TASP1: variants seen among roughly 807,000 people sequenced by gnomAD.
TASP1 encodes the protein threonine aspartase 1.
TASP1 carries 16 observed loss-of-function variants against 56.6 expected under a neutral mutation model. The ratio of observed to expected loss-of-function variants is 0.28; its 90% CI spans 0.19 to 0.43. TASP1 has a LOEUF of 0.43. TASP1 is among the 20% of genes least tolerant of loss of function. TASP1 has a pLI of 1.00. For synonymous variants in TASP1, 179 were observed against 184.2 expected, an observed-to-expected ratio of 0.97 and a Z score of 0.23; for missense variants, 393 against 511.6, an observed-to-expected ratio of 0.77 and a Z score of 2.24.
intron 10 of TASP1, among the ~76,000 whole-genome samples, chr20:13,515,760 T>C (rs1337953784): frequency 6.6e-6 from 1 of 152,020 alleles, no homozygotes; most frequent in Admixed American, 6.6e-5. Context: ...ATCAATTTTT[T>C]CATGACAGCT....
chr20:13,536,342 A>G (rs2045415871), intron 8 of TASP1, among the ~76,000 whole-genome samples: 1 of 152,228 alleles, frequency 6.6e-6, no homozygotes, highest in Admixed American at 6.5e-5. Flanking sequence ...TGAAGGAGAA[A>G]CTTAAACTAC....
chr20:13,395,571 C>G (rs2041498134), intron 13 of TASP1, among the ~76,000 whole-genome samples: 1 of 152,150 alleles, frequency 6.6e-6, no homozygotes, highest in Non-Finnish European at 1.5e-5. Context: ...CTGTATTTAT[C>G]ACTACTTGGG....
intron 6 of TASP1, 115 bp downstream of exon 6, chr20:13,580,782 C>T (rs2047092720): frequency 1.0e-6 from 1 of 965,274 alleles, no homozygotes; most frequent in South Asian, 1.5e-5. Context: ...GATCACGGAA[C>T]AAAGTTTGTC....
chr20:13,226,168 C>T, the TASP1 span, among the ~76,000 whole-genome samples: 2 of 143,692 alleles, frequency 1.4e-5, no homozygotes, highest in African/African-American at 5.2e-5. Context: ...TGTCTTTGTT[C>T]TCTGTTTCCT....
intron 4 of TASP1, among the ~76,000 whole-genome samples, chr20:13,607,702 A>C (rs1470070763): frequency 6.6e-6 from 1 of 152,220 alleles, no homozygotes; most frequent in African/African-American, 2.4e-5. Flanking sequence ...ACATGAAATA[A>C]AGTAGAATAT....
chr20:13,301,787 G>C, the TASP1 span, among the ~76,000 whole-genome samples: 1 of 152,060 alleles, frequency 6.6e-6, no homozygotes, highest in Admixed American at 6.5e-5. Context: ...AGCAGAGGCT[G>C]GAGATTAGTC....
the TASP1 span, among the ~76,000 whole-genome samples, chr20:13,350,311 A>G: frequency 6.6e-6 from 1 of 152,256 alleles, no homozygotes; most frequent in Non-Finnish European, 1.5e-5. Context: ...TAATTTTCCC[A>G]CAAGATGATT....
Position 13,437,895 on chromosome 20 carries a change from G to C in TASP1, c.986-2741C>G, listed in dbSNP as rs1288590358. 3.3e-5 allele frequency among the ~76,000 whole-genome samples: 5 copies of C among 152,288 alleles called. No homozygotes were observed. The East Asian group carries it at 7.7e-4, about 23-fold the overall frequency. On this transcript the variant is annotated intron_variant, in intron 11 of 13. Coordinates refer to ENST00000337743, the MANE Select transcript of TASP1 (RefSeq NM_017714.3). ...AAATGGAAGAACACTCCACGCTCAT[G>C]GGTAGGAAGAATCAATATCATGAAA...
the TASP1 span, among the ~76,000 whole-genome samples, chr20:13,278,508 C>T: frequency 6.6e-6 from 1 of 152,190 alleles, no homozygotes; most frequent in African/African-American, 2.4e-5. Flanking sequence ...GTAGCTCTGT[C>T]ACTTACTTTT....
chr20:13,608,094 A>G (rs1277890361), intron 4 of TASP1, among the ~76,000 whole-genome samples: 1 of 152,256 alleles, frequency 6.6e-6, no homozygotes, highest in Non-Finnish European at 1.5e-5. Context: ...CATCTTTTTA[A>G]AAGAGTTACA....
At chr20:13,153,574 C>G in the TASP1 span, among the ~76,000 whole-genome samples, 10 of 152,002 alleles carry the variant, frequency 6.6e-5, no homozygotes, top group Non-Finnish European at 2.9e-5. Flanking sequence ...ATTTAATGAG[C>G]CAATTCAGCT....
At chr20:13,334,565 T>G in the TASP1 span, among the ~76,000 whole-genome samples, 2 of 152,174 alleles carry the variant, frequency 1.3e-5, no homozygotes, top group African/African-American at 4.8e-5. Flanking sequence ...GCTTGGATAC[T>G]AAATAACCAA....
At chr20:13,238,750 C>G in the TASP1 span, among the ~76,000 whole-genome samples, 2 of 152,146 alleles carry the variant, frequency 1.3e-5, no homozygotes, top group Admixed American at 6.5e-5. Context: ...TCAAAATGAC[C>G]AGCCTCCTGA....
chr20:13,392,845 G>C (rs1443616570), intron 13 of TASP1: 1 of 667,948 alleles, frequency 1.5e-6, no homozygotes, highest in Non-Finnish European at 2.7e-6. Context: ...CAAATCCCAT[G>C]GCACCATCAA....
At chr20:13,293,871 G>A in the TASP1 span, among the ~76,000 whole-genome samples, 2 of 152,106 alleles carry the variant, frequency 1.3e-5, no homozygotes, top group African/African-American at 4.8e-5. Flanking sequence ...CTACTCTGGA[G>A]GCTGAGGCAG....
chr20:13,160,932 C>T, the TASP1 span, among the ~76,000 whole-genome samples: 22 of 152,188 alleles, frequency 1.4e-4, no homozygotes, highest in African/African-American at 3.4e-4. Context: ...TAAAGCTTAT[C>T]GAGCATCATT....
At chr20:13,579,594 G>A (rs1280247222) in intron 6 of TASP1, among the ~76,000 whole-genome samples, 2 of 151,952 alleles carry the variant, frequency 1.3e-5, no homozygotes, top group South Asian at 4.2e-4. Context: ...CTCGTGATCT[G>A]CCCGCCTCAG....
chr20:13,415,219 CT>C (rs1173524983), intron 13 of TASP1, among the ~76,000 whole-genome samples: 1 of 152,086 alleles, frequency 6.6e-6, no homozygotes, highest in Non-Finnish European at 1.5e-5. Context: ...TTCAACTATT[CT>C]TTTATAGAAG....
At chr20:13,292,343 G>C in the TASP1 span, 1 of 1,403,822 alleles carries the variant, frequency 7.1e-7, no homozygotes. Context: ...TCCATGTAAT[G>C]ATGGAAAAAT....
Sources: allele counts gnomAD v4.1 joint callset (sites outside exome capture counted in the v4.1 genomes callset), GRCh38; gene constraint gnomAD v4.1.1; transcripts MANE v1.5; gene names NCBI Gene and HGNC (gene_info 2026-07-23, HGNC 2026-07-21).